Variants in GLYR1 observed in about 807,000 individuals in gnomAD.
The protein encoded by GLYR1 is cytokine-like nuclear factor N-PAC.
GLYR1 carries 21 observed loss-of-function variants against 72.7 expected under a neutral mutation model. That is an observed-to-expected ratio of 0.29 (90% CI 0.20 to 0.42). The LOEUF (loss-of-function observed/expected upper bound fraction) is 0.42, where lower values mean the gene tolerates loss of function less well. GLYR1 is among the 10% of genes least tolerant of loss of function. GLYR1 has a pLI of 1.00. For synonymous variants in GLYR1, 392 were observed against 270.2 expected, an observed-to-expected ratio of 1.45 and a Z score of -4.42; for missense variants, 594 against 712.1, an observed-to-expected ratio of 0.83 and a Z score of 1.89.
In GLYR1 at chr16:4,806,522, G is replaced by A. The variant is rs139084036; in HGVS notation, c.1588-1212C>T. 7.2e-3 allele frequency among the ~76,000 whole-genome samples: 1,096 copies of A among 151,438 alleles called. 21 individuals carry two copies. Among genetic ancestry groups the A allele is most frequent in the African/African-American group, 0.026 (1,056 of 41,226 alleles). On this transcript the variant is annotated intron_variant, in intron 15 of 15. Coordinates refer to ENST00000321919, the MANE Select transcript of GLYR1 (RefSeq NM_032569.4). ...CTAGGAATAGGGTGCTCGCCACCAC[G>A]CCCAGCTAGTTTTTTATTTTTTTTT...
At chr16:4,834,218 G>A (rs2084976393) in intron 3 of GLYR1, among the ~76,000 whole-genome samples, 2 of 152,046 alleles carry the variant, frequency 1.3e-5, no homozygotes, top group African/African-American at 4.8e-5. Context: ...TGCCACCATG[G>A]CTAAGTGAGA....
intron 3 of GLYR1, chr16:4,839,961 G>C (rs756203299): frequency 3.3e-5 from 5 of 152,068 alleles, no homozygotes; most frequent in African/African-American, 4.8e-5. Context: ...CCTGGGCCAG[G>C]GTCCAGTAAC....
At chr16:4,844,967 T>G in intron 3 of GLYR1, 107 bp downstream of exon 3, 1 of 766,170 alleles carries the variant, frequency 1.3e-6, no homozygotes, top group Admixed American at 2.1e-5. Context: ...GTATTACACA[T>G]TATAAGAAGA....
intron 3 of GLYR1, chr16:4,843,535 T>C (rs1020772155): frequency 7.8e-7 from 1 of 1,288,520 alleles, no homozygotes; most frequent in South Asian, 1.2e-5. Context: ...AGGCCAGCGA[T>C]CTCCTTGAAA....
Position 4,812,132 on chromosome 16 carries a change from G to A in GLYR1, c.1236C>T (p.Asp412=). The A allele has an allele frequency of 6.2e-7, 1 of 1,614,172 alleles. No homozygotes were observed. Residue 412 remains aspartate (D), a synonymous_variant, in exon 13 of 16, where the codon GAC becomes GAT. Coordinates refer to ENST00000321919, the MANE Select transcript of GLYR1 (RefSeq NM_032569.4). ...CCATCGCCTGGAAGCAGCTGCTGCAGTCCTCATATAAGCCCCTGTCTCCAG... is the reference window on the plus strand; with the variant it reads ...CCATCGCCTGGAAGCAGCTGCTGCAATCCTCATATAAGCCCCTGTCTCCAG... ...LAAGDRGLYE[D]CSSCFQAMGK...
chr16:4,824,438 T>A (rs1353883527), intron 5 of GLYR1, among the ~76,000 whole-genome samples: 1 of 143,676 alleles, frequency 7.0e-6, no homozygotes, highest in African/African-American at 2.6e-5. Flanking sequence ...AGGTGGAAGT[T>A]GCAGTGAGCC....
At chr16:4,843,294 A>T in intron 3 of GLYR1, 1 of 230,296 alleles carries the variant, frequency 4.3e-6, no homozygotes. Context: ...AGCTGGGATT[A>T]CAGGTAGACG....
chr16:4,834,463 CTTTT>C (rs919753814), intron 3 of GLYR1, among the ~76,000 whole-genome samples: 1 of 146,278 alleles, frequency 6.8e-6, no homozygotes, highest in African/African-American at 2.5e-5. Flanking sequence ...CACACCTGGC[CTTTT>C]TTTTTTCCTT....
At chr16:4,847,137 T>G in intron 1 of GLYR1, 91 bp downstream of exon 1, 3 of 1,255,770 alleles carry the variant, frequency 2.4e-6, no homozygotes, top group South Asian at 2.6e-5. Context: ...CTGGAGCGCA[T>G]AAAAAGGCAG....
rs904518550 is a variant in GLYR1 at position 4,834,912 on chromosome 16, G to A, written c.156-2000C>T. ...ACTGACTCCGTTCCCTCTCCTTACA[G>A]GGATGCTAATGACAGGCCAGAGCAA... On this transcript the variant is annotated intron_variant, in intron 3 of 15. Coordinates refer to ENST00000321919, the MANE Select transcript of GLYR1 (RefSeq NM_032569.4). 2.6e-5 allele frequency among the ~76,000 whole-genome samples: 4 copies of A among 152,240 alleles called. No individual in the cohort carries two copies. The East Asian group carries it at 7.7e-4, about 29-fold the overall frequency.
chr16:4,823,864 G>A lies in GLYR1; in HGVS notation c.581C>T (p.Ala194Val). The change falls in exon 6 of 16, where the codon GCC (alanine) becomes GTC (valine). Residue 194 changes from alanine to valine, a missense_variant. By Grantham distance (64) the Ala-to-Val change is moderately conservative. This residue lies in a region of GLYR1 where 252 missense variants were observed against 211.3 expected (regional missense o/e 1.19). Transcript: ENST00000321919. ...PESSTVKGMMAGPMAAFKWQP... is the reference protein window; with the variant it reads ...PESSTVKGMMVGPMAAFKWQP... ...CCATTTAAACGCGGCCATCGGTCCG[G>A]CCATCATCCCCTTCACGGTACTAGA... The A allele has an allele frequency of 3.7e-6, 6 of 1,614,024 alleles. No individual in the cohort carries two copies. Among genetic ancestry groups the A allele is most frequent in the Non-Finnish European group, 4.2e-6 (5 of 1,179,988 alleles).
chr16:4,847,025 C>T, intron 1 of GLYR1: 2 of 567,170 alleles, frequency 3.5e-6, no homozygotes, highest in Non-Finnish European at 6.2e-6. Flanking sequence ...AGCCGGTGCC[C>T]GACGTGGCCA....
intron 15 of GLYR1, among the ~76,000 whole-genome samples, chr16:4,805,579 G>A (rs1197649813): frequency 6.6e-6 from 1 of 152,224 alleles, no homozygotes; most frequent in Non-Finnish European, 1.5e-5. Context: ...AGCATTGGCC[G>A]GGCACTGCGG....
chr16:4,824,027 C>G, intron 5 of GLYR1, 120 bp from the exon 6 acceptor site: 1 of 683,930 alleles, frequency 1.5e-6, no homozygotes, highest in Non-Finnish European at 2.5e-6. Context: ...TGATGACCGT[C>G]CCTCGGGAGA....
chr16:4,803,465 G>C lies in GLYR1; in HGVS notation c.*1771C>G, dbSNP rs2082801865. 6.6e-6 allele frequency: 1 copy of C among 152,638 alleles called. No individual in the cohort carries two copies. The highest frequency in any genetic ancestry group is 2.4e-5 in the African/African-American group (1 of 41,450). The allele number at this position is 152,638 out of a possible 1,614,324, so 9.5% of individuals were successfully genotyped here. On this transcript the variant is annotated 3_prime_UTR_variant, in exon 16 of 16. Coordinates refer to ENST00000321919, the MANE Select transcript of GLYR1 (RefSeq NM_032569.4). Reference sequence around the variant, plus strand: ...TCCTTAAAAGGGAAGGATTTCAAAAGAAAGGTGAAATAGCTTAAACAGAAA... The same window carrying C: ...TCCTTAAAAGGGAAGGATTTCAAAACAAAGGTGAAATAGCTTAAACAGAAA...
At position 4,832,185 on chromosome 16, in the gene GLYR1, G is replaced by A. The variant is rs368045408; in HGVS notation, c.331C>T (p.Arg111Cys). ...CTACTTCTCTCCTCACTGGAATTACGTCGATTCTTGTCATCAGAAGAATTG... is the reference window on the plus strand; with the variant it reads ...CTACTTCTCTCCTCACTGGAATTACATCGATTCTTGTCATCAGAAGAATTG... ...SHNSSDDKNR[R>C]NSSEERSRPN... Residue 111 changes from arginine to cysteine, a missense_variant, in exon 5 of 16, where the codon CGT becomes TGT. Around this residue, in one of 5 missense-constraint regions of GLYR1, gnomAD observed 252 missense variants for 211.3 expected, o/e 1.19. Transcript: ENST00000321919. 3 of 1,613,904 alleles carry A rather than the reference G, an allele frequency of 1.9e-6. No individual in the cohort carries two copies. Among genetic ancestry groups the A allele is most frequent in the African/African-American group, 1.3e-5 (1 of 74,844 alleles).
At position 4,822,929 on chromosome 16, in the gene GLYR1, A is replaced by C; in HGVS notation, c.627T>G (p.Pro209=). 6.2e-7 allele frequency: 1 copy of C among 1,614,028 alleles called. No homozygotes were observed. The highest frequency in any genetic ancestry group is 1.1e-5 in the South Asian group (1 of 91,090). The part of the protein sequence containing the change: ...AFKWQPTASE[P]VKDADPHFHH... ...GGAAATGAGGATCTGCATCTTTAAC[A>C]GGCTGAAACCAGAAAACAGTGAAAT... Residue 209 remains proline, a splice_region_variant and synonymous_variant, in exon 7 of 16, where the codon CCT becomes CCG. Transcript: ENST00000321919.
chr16:4,836,002 T>C (rs2142026125), intron 3 of GLYR1, among the ~76,000 whole-genome samples: 1 of 152,330 alleles, frequency 6.6e-6, no homozygotes, highest in Non-Finnish European at 1.5e-5. Flanking sequence ...GTTCACCATG[T>C]TGCCCAGGTT....
intron 15 of GLYR1, among the ~76,000 whole-genome samples, chr16:4,810,137 T>C (rs911896889): frequency 3.3e-5 from 5 of 152,174 alleles, no homozygotes; most frequent in African/African-American, 9.7e-5. Flanking sequence ...AAGATTTATA[T>C]ACTCATGTTA....
Sources: allele counts gnomAD v4.1 joint callset (sites outside exome capture counted in the v4.1 genomes callset), GRCh38; gene constraint gnomAD v4.1.1; regional missense constraint gnomAD v4.1.1; transcripts MANE v1.5; gene names NCBI Gene and HGNC (gene_info 2026-07-23, HGNC 2026-07-21).